PIK3AP1: variants seen among roughly 807,000 people sequenced by gnomAD.
PIK3AP1 encodes the protein phosphoinositide 3-kinase adapter protein 1.
In PIK3AP1, 21 loss-of-function variants were observed where a neutral mutation model predicts 88.1. That is an observed-to-expected ratio of 0.24 (90% CI 0.17 to 0.34). The LOEUF is 0.34. Among genes scored for constraint, PIK3AP1 ranks in the 10% least tolerant of loss-of-function variants. The pLI, the probability that PIK3AP1 is intolerant of heterozygous loss-of-function variation, is 1.00. For synonymous variants in PIK3AP1, 398 were observed against 400.0 expected (o/e 1.00, Z 0.06); for missense variants, 828 against 1,035.7 (o/e 0.80, Z 2.75).
In PIK3AP1 at chr10:96,648,752, C is replaced by T. The variant is rs35035564; in HGVS notation, c.1092G>A (p.Ala364=). ...GGCCATGCTTGTTGGCCACGCTGTACGCCTGCAGGGCTCCTGGGCAGGTGA... is the reference window on the plus strand; with the variant it reads ...GGCCATGCTTGTTGGCCACGCTGTATGCCTGCAGGGCTCCTGGGCAGGTGA... The part of the protein sequence containing the change: ...LLLTCPGALQ[A]YSVANKHGHY... Residue 364 remains alanine, a synonymous_variant, in exon 7 of 17, where the codon GCG becomes GCA. Transcript: ENST00000339364. The T allele has an allele frequency of 1.2e-3, 1,905 of 1,610,796 alleles. 14 individuals are homozygous for T. In the African/African-American group the frequency reaches 0.021, roughly 17 times the overall value.
chr10:96,704,453 C>T (rs1233900429), intron 2 of PIK3AP1, among the ~76,000 whole-genome samples: 3 of 152,134 alleles, frequency 2.0e-5, no homozygotes, highest in Non-Finnish European at 4.4e-5. Context: ...TGCGGTGGCT[C>T]ACGCCTGTAA....
At chr10:96,652,505 G>A (rs1843552931) in intron 4 of PIK3AP1, among the ~76,000 whole-genome samples, 193 bp downstream of exon 4, 1 of 151,994 alleles carries the variant, frequency 6.6e-6, no homozygotes, top group Non-Finnish European at 1.5e-5. Flanking sequence ...CCTGGGAGGT[G>A]GAGCTTGCAG....
At chr10:96,689,760 T>C (rs181505172) in intron 2 of PIK3AP1, among the ~76,000 whole-genome samples, 1 of 152,198 alleles carries the variant, frequency 6.6e-6, no homozygotes, top group South Asian at 2.1e-4. Context: ...ACTCACCCAC[T>C]GAGTTCTCCG....
At chr10:96,696,779 A>G (rs534704957) in intron 2 of PIK3AP1, among the ~76,000 whole-genome samples, 1 of 152,374 alleles carries the variant, frequency 6.6e-6, no homozygotes, top group Admixed American at 6.5e-5. Context: ...AATGTCCATA[A>G]ACAGAAAGTT....
At chr10:96,612,259 T>A (rs1849124581) in intron 13 of PIK3AP1, among the ~76,000 whole-genome samples, 1 of 152,118 alleles carries the variant, frequency 6.6e-6, no homozygotes, top group Non-Finnish European at 1.5e-5. Context: ...AGGCCATGGC[T>A]CTCACCAGCC....
At chr10:96,670,990 T>C (rs144731289) in intron 2 of PIK3AP1, among the ~76,000 whole-genome samples, 100 of 152,330 alleles carry the variant, frequency 6.6e-4, no homozygotes, top group South Asian at 6.2e-4. Flanking sequence ...AATTAACCAA[T>C]GTCTGAAAAG....
At chr10:96,661,186 TA>T (rs895771047) in intron 2 of PIK3AP1, among the ~76,000 whole-genome samples, 400 of 137,344 alleles carry the variant, frequency 2.9e-3, no homozygotes, top group Middle Eastern at 3.8e-3. Context: ...AAACTCCATC[TA>T]AAAAAAAAAA....
chr10:96,605,153 G>C (rs7073682), intron 14 of PIK3AP1, among the ~76,000 whole-genome samples: 32,338 of 152,054 alleles, frequency 0.21, 3,783 homozygotes, highest in Admixed American at 0.32. Flanking sequence ...CTACCATGCC[G>C]GGCCCTCAGA....
rs1170696305 is a variant in PIK3AP1 at position 96,642,597 on chromosome 10, T to C, written c.1375+2876A>G. ...AAGTAGCCAAATTTGACAGGCTGCC[T>C]CCCCGCTGGTAGCCTCCTTCCAGCT... On this transcript the variant is annotated intron_variant, in intron 8 of 16. Transcript: ENST00000339364. 2.0e-5 allele frequency among the ~76,000 whole-genome samples: 3 copies of C among 152,158 alleles called. No individual in the cohort carries two copies. In the East Asian group the frequency reaches 5.8e-4, roughly 29 times the overall value.
chr10:96,658,063 CAAAAA>C (rs10706863), intron 2 of PIK3AP1, among the ~76,000 whole-genome samples: 1 of 113,942 alleles, frequency 8.8e-6, no homozygotes, highest in Admixed American at 9.0e-5. Flanking sequence ...AACTCCATCT[CAAAAA>C]AAAAAAAAAA....
chr10:96,623,288 C>A (rs1843111702), intron 11 of PIK3AP1, among the ~76,000 whole-genome samples, 184 bp downstream of exon 11: 1 of 152,024 alleles, frequency 6.6e-6, no homozygotes, highest in Non-Finnish European at 1.5e-5. Context: ...GTCTCAAACT[C>A]CTGGCCTCGA....
At chr10:96,657,584 C>A (rs906253877) in intron 2 of PIK3AP1, among the ~76,000 whole-genome samples, 2 of 152,056 alleles carry the variant, frequency 1.3e-5, no homozygotes, top group African/African-American at 4.8e-5. Context: ...GAGAACCTAC[C>A]AGAGCTCTAA....
chr10:96,609,806 T>C lies in PIK3AP1; in HGVS notation c.2076A>G (p.Gly692=), dbSNP rs141067860. The change falls in exon 14 of 17, where the codon GGA becomes GGG. Residue 692 remains glycine, a synonymous_variant. Coordinates refer to ENST00000339364, the MANE Select transcript of PIK3AP1 (RefSeq NM_152309.3). ...TTTTCCTGGGGCCACTCTCATAGAC[T>C]CCAAACTCCACTTTTGCAGGCAGGT... ...SQHLPAKVEF[G]VYESGPRKSV... 2.1e-3 allele frequency: 3,322 copies of C among 1,614,066 alleles called. 8 individuals are homozygous for C. The highest frequency in any genetic ancestry group is 2.5e-3 in the Non-Finnish European group (2,941 of 1,179,968).
intron 14 of PIK3AP1, among the ~76,000 whole-genome samples, chr10:96,608,937 A>G (rs1000291116): frequency 8.5e-5 from 13 of 152,198 alleles, no homozygotes; most frequent in African/African-American, 3.1e-4. Context: ...AACTCAATCT[A>G]TGTGGCTTGT....
intron 2 of PIK3AP1, among the ~76,000 whole-genome samples, chr10:96,679,818 T>C (rs1414362385): frequency 6.6e-6 from 1 of 152,092 alleles, no homozygotes; most frequent in Non-Finnish European, 1.5e-5. Context: ...TAGCCACAGG[T>C]TCACTTCACA....
intron 8 of PIK3AP1, 151 bp from the exon 9 acceptor site, chr10:96,628,644 G>A (rs1843185947): frequency 1.4e-6 from 1 of 690,552 alleles, no homozygotes; most frequent in Non-Finnish European, 2.5e-6. Context: ...CCTACTCAAG[G>A]ACACCCAGTA....
chr10:96,693,772 A>G (rs942326272), intron 2 of PIK3AP1, among the ~76,000 whole-genome samples: 1 of 152,240 alleles, frequency 6.6e-6, no homozygotes, highest in African/African-American at 2.4e-5. Flanking sequence ...ACAGACACAC[A>G]TTTAGAATGT....
At chr10:96,680,686 C>T (rs1241883730) in intron 2 of PIK3AP1, among the ~76,000 whole-genome samples, 6 of 152,208 alleles carry the variant, frequency 3.9e-5, no homozygotes, top group African/African-American at 1.4e-4. Context: ...ATATGTACCA[C>T]ATTTTCTTTA....
At chr10:96,677,646 G>A (rs779899085) in intron 2 of PIK3AP1, among the ~76,000 whole-genome samples, 1 of 148,162 alleles carries the variant, frequency 6.7e-6, no homozygotes, top group Non-Finnish European at 1.5e-5. Context: ...TTGACCTTCT[G>A]TAAACATTTA....
Sources: gnomAD v4.1 joint callset for allele counts (sites outside exome capture counted in the v4.1 genomes callset) on GRCh38, gnomAD v4.1.1 for gene constraint, MANE v1.5 for transcripts, NCBI Gene and HGNC (gene_info 2026-07-23, HGNC 2026-07-21) for gene names.